The following NTM variants were observed in gnomAD, a reference collection of about 807,000 sequenced individuals.
NTM encodes neurotrimin.
A neutral mutation model predicts 42.1 loss-of-function variants in NTM; 13 were observed. That is an observed-to-expected ratio of 0.31 (90% CI 0.20 to 0.49). The LOEUF (loss-of-function observed/expected upper bound fraction) is 0.49, where lower values mean the gene tolerates loss of function less well. NTM is among the 20% of genes least tolerant of loss of function. The pLI, the probability that NTM is intolerant of heterozygous loss-of-function variation, is 0.99. For synonymous variants in NTM, 187 were observed against 179.2 expected (o/e 1.04, Z -0.35); for missense variants, 373 against 452.8 (o/e 0.82, Z 1.60).
chr11:131,642,821 C>T (rs1227651108), intron 1 of NTM, among the ~76,000 whole-genome samples: 1 of 152,066 alleles, frequency 6.6e-6, no homozygotes, highest in African/African-American at 2.4e-5. Context: ...CTCATCTATC[C>T]AATTATCGTC....
At chr11:132,282,476 C>A (rs1313943251) in intron 4 of NTM, among the ~76,000 whole-genome samples, 1 of 152,136 alleles carries the variant, frequency 6.6e-6, no homozygotes. Context: ...AGATGACAGT[C>A]CCAGCCCCCT....
intron 4 of NTM, among the ~76,000 whole-genome samples, chr11:132,254,294 T>G (rs1162810891): frequency 6.6e-6 from 1 of 152,046 alleles, no homozygotes; most frequent in East Asian, 2.0e-4. Flanking sequence ...TCAATCTCCT[T>G]CTCGCCCACT....
chr11:132,230,466 G>A (rs892089495), intron 4 of NTM, among the ~76,000 whole-genome samples: 3 of 152,152 alleles, frequency 2.0e-5, no homozygotes, highest in Non-Finnish European at 4.4e-5. Flanking sequence ...TGTGTCTGGC[G>A]GCATCAGCAG....
chr11:132,084,601 T>A (rs958625144), intron 2 of NTM, among the ~76,000 whole-genome samples: 1 of 152,178 alleles, frequency 6.6e-6, no homozygotes, highest in Non-Finnish European at 1.5e-5. Context: ...AAACACTTGA[T>A]GTTGTGAACT....
chr11:132,180,296 A>G (rs1452611494), intron 3 of NTM, among the ~76,000 whole-genome samples: 1 of 152,190 alleles, frequency 6.6e-6, no homozygotes, highest in Non-Finnish European at 1.5e-5. Flanking sequence ...TTCAGAAGGT[A>G]GAGAGAAACT....
intron 2 of NTM, among the ~76,000 whole-genome samples, chr11:132,099,041 C>T (rs2061348057): frequency 6.6e-6 from 1 of 152,248 alleles, no homozygotes; most frequent in Admixed American, 6.5e-5. Context: ...CTGTTTACTG[C>T]CTGCAGAAGC....
Position 132,261,883 on chromosome 11 carries a change from A to G in NTM, c.527-45806A>G, listed in dbSNP as rs560387452. On this transcript the variant is annotated intron_variant, in intron 4 of 8. Coordinates refer to ENST00000683400, the MANE Select transcript of NTM (RefSeq NM_001352005.2). ...TGCACGAAGTTTAAACTGAAAACCCATAAAGCCAAGGTGGGTGACTGGGTT... is the reference window on the plus strand; with the variant it reads ...TGCACGAAGTTTAAACTGAAAACCCGTAAAGCCAAGGTGGGTGACTGGGTT... Among the ~76,000 whole-genome samples the G allele has an allele frequency of 5.3e-5, 8 of 152,366 alleles. No homozygotes were observed. In the South Asian group the frequency reaches 6.2e-4, roughly 12 times the overall value.
intron 1 of NTM, among the ~76,000 whole-genome samples, chr11:131,626,317 A>T (rs2137714821): frequency 6.6e-6 from 1 of 152,348 alleles, no homozygotes; most frequent in East Asian, 1.9e-4. Flanking sequence ...CTAATACTAC[A>T]AACGTATATG....
intron 4 of NTM, among the ~76,000 whole-genome samples, chr11:132,304,509 A>G (rs1268645144): frequency 1.3e-5 from 2 of 152,072 alleles, no homozygotes; most frequent in African/African-American, 4.8e-5. Context: ...TTTAAACGAA[A>G]CTTTTCGTTG....
chr11:131,620,092 T>C (rs1288699275), intron 1 of NTM, among the ~76,000 whole-genome samples: 1 of 152,164 alleles, frequency 6.6e-6, no homozygotes, highest in Non-Finnish European at 1.5e-5. Flanking sequence ...CATGAGCCAC[T>C]GCACTTGGCA....
chr11:132,020,552 T>C (rs1305325746), intron 2 of NTM, among the ~76,000 whole-genome samples: 2 of 152,110 alleles, frequency 1.3e-5, no homozygotes, highest in Non-Finnish European at 2.9e-5. Flanking sequence ...ACATTTTAGC[T>C]TATCACAATC....
chr11:131,480,716 G>A (rs56374443), intron 1 of NTM, among the ~76,000 whole-genome samples: 1,651 of 152,020 alleles, frequency 0.011, 28 homozygotes, highest in African/African-American at 0.037. Context: ...CCATTCCTGA[G>A]TAAGGGGGCG....
At chr11:131,861,849 G>C (rs892018143) in intron 1 of NTM, among the ~76,000 whole-genome samples, 2 of 152,158 alleles carry the variant, frequency 1.3e-5, no homozygotes, top group Non-Finnish European at 2.9e-5. Context: ...TGAGACTAGT[G>C]AACACTAGGT....
chr11:132,086,579 C>T (rs962691080), intron 2 of NTM, among the ~76,000 whole-genome samples: 1 of 152,176 alleles, frequency 6.6e-6, no homozygotes, highest in Non-Finnish European at 1.5e-5. Context: ...CTTTACCAAA[C>T]GTGACCTCAC....
intron 2 of NTM, among the ~76,000 whole-genome samples, chr11:131,972,407 A>T: frequency 6.6e-6 from 1 of 152,144 alleles, no homozygotes; most frequent in East Asian, 1.9e-4. Flanking sequence ...TTTCTTTTTT[A>T]GCTTTATAAT....
intron 2 of NTM, among the ~76,000 whole-genome samples, chr11:132,039,885 G>A (rs796902084): frequency 3.2e-4 from 49 of 152,240 alleles, no homozygotes; most frequent in African/African-American, 1.0e-3. Context: ...ATTTGTGAGC[G>A]TCAACTAAGA....
chr11:131,568,147 A>G (rs971248542), intron 1 of NTM, among the ~76,000 whole-genome samples: 1 of 152,232 alleles, frequency 6.6e-6, no homozygotes, highest in Non-Finnish European at 1.5e-5. Context: ...ATTTGCCTAA[A>G]TCATTATTAA....
At chr11:132,187,502 C>A (rs2078620664) in intron 3 of NTM, among the ~76,000 whole-genome samples, 1 of 152,148 alleles carries the variant, frequency 6.6e-6, no homozygotes, top group Non-Finnish European at 1.5e-5. Context: ...TTAATGCATT[C>A]ATTCCTAGCC....
At chr11:131,601,141 TGGGCCACGCC>T (rs982662717) in intron 1 of NTM, among the ~76,000 whole-genome samples, 1 of 152,152 alleles carries the variant, frequency 6.6e-6, no homozygotes, top group African/African-American at 2.4e-5. Context: ...CTGAGAGGGG[TGGGCCACGCC>T]CTTTCAACCT....
Sources: allele counts gnomAD v4.1 joint callset (sites outside exome capture counted in the v4.1 genomes callset), GRCh38; gene constraint gnomAD v4.1.1; transcripts MANE v1.5; gene names NCBI Gene and HGNC (gene_info 2026-07-23, HGNC 2026-07-21).